GIGYF2: variants seen among roughly 807,000 people sequenced by gnomAD.
GIGYF2 encodes the protein GRB10 interacting GYF protein 2.
A neutral mutation model predicts 208.1 loss-of-function variants in GIGYF2; 25 were observed. The observed-to-expected ratio is 0.12, with a 90% confidence interval of 0.09 to 0.17. The LOEUF (loss-of-function observed/expected upper bound fraction) is 0.17. GIGYF2 is among the 10% of genes least tolerant of loss of function. GIGYF2 has a pLI of 1.00. For synonymous variants in GIGYF2, 534 were observed against 543.8 expected (o/e 0.98, Z 0.25); for missense variants, 1,302 against 1,579.4 (o/e 0.82, Z 2.98).
chr2:232,706,945 C>A (rs1402488385), intron 2 of GIGYF2, among the ~76,000 whole-genome samples: 6 of 109,464 alleles, frequency 5.5e-5, no homozygotes, highest in Non-Finnish European at 5.6e-5. Flanking sequence ...GACCTTGTCT[C>A]AAAAAAAAAA....
chr2:232,811,017 C>T (rs561739876), intron 16 of GIGYF2: 1 of 479,926 alleles, frequency 2.1e-6, no homozygotes, highest in Non-Finnish European at 3.8e-6. Flanking sequence ...TTTTTGCTAT[C>T]CTCTTTCACT....
chr2:232,759,165 T>C (rs1698655644), intron 6 of GIGYF2, among the ~76,000 whole-genome samples: 1 of 152,222 alleles, frequency 6.6e-6, no homozygotes, highest in East Asian at 1.9e-4. Context: ...GAGTTAATTC[T>C]TGATAAATTA....
intron 3 of GIGYF2, among the ~76,000 whole-genome samples, chr2:232,744,513 A>G (rs1698076231): frequency 1.3e-5 from 2 of 151,824 alleles, no homozygotes; most frequent in African/African-American, 4.8e-5. Context: ...ATTGTTGGAA[A>G]GATTGTGTTT....
intron 22 of GIGYF2, 82 bp from the exon 23 acceptor site, chr2:232,839,767 T>C: frequency 7.4e-7 from 1 of 1,357,786 alleles, no homozygotes. Flanking sequence ...GCATTTGTTC[T>C]GGGTATACAT....
Position 232,791,356 on chromosome 2 carries a change from G to A in GIGYF2, c.1192G>A (p.Asp398Asn). Reference sequence around the variant, plus strand: ...GGAAGCATCACAGTTTGAGAGGAAAGATGAACCAAAAACTGAGCAAACGGA... The same window carrying A: ...GGAAGCATCACAGTTTGAGAGGAAAAATGAACCAAAAACTGAGCAAACGGA... Reference protein sequence around the residue: ...SQEASQFERKDEPKTEQTEKA... With the variant: ...SQEASQFERKNEPKTEQTEKA... The change falls in exon 12 of 29, where the codon GAT becomes AAT. Residue 398 changes from aspartate (D) to asparagine (N), a missense_variant. Around this residue, in one of 8 missense-constraint regions of GIGYF2, gnomAD observed 235 missense variants for 218.8 expected, o/e 1.07. Coordinates refer to ENST00000373563, the MANE Select transcript of GIGYF2 (RefSeq NM_001103146.3). 6.2e-7 allele frequency: 1 copy of A among 1,614,122 alleles called. No homozygotes were observed. The highest frequency in any genetic ancestry group is 8.5e-7 in the Non-Finnish European group (1 of 1,179,992).
At chr2:232,700,626 A>G (rs1695800153) in intron 1 of GIGYF2, 1 of 152,172 alleles carries the variant, frequency 6.6e-6, no homozygotes, top group African/African-American at 2.4e-5. Context: ...TCTACAGCCT[A>G]TGTTGGTGTT....
rs1696503950 is a variant in GIGYF2 at position 232,713,079 on chromosome 2, T to A, written c.-44+9590T>A. On this transcript the variant is annotated intron_variant, in intron 2 of 28. Transcript: ENST00000373563. ...ATTTTTAAAAAGTGTAGAAAAAACTTCTTTTTTTTTTTTTGAAGTGGAGTC... is the reference window on the plus strand; with the variant it reads ...ATTTTTAAAAAGTGTAGAAAAAACTACTTTTTTTTTTTTTGAAGTGGAGTC... Among the ~76,000 whole-genome samples the A allele has an allele frequency of 7.7e-5, 2 of 25,988 alleles. 1 individual carries two copies. Among genetic ancestry groups the A allele is most frequent in the Middle Eastern group, 0.026 (2 of 76 alleles). The allele number at this position is 25,988 out of a possible 152,430, so 17.0% of individuals were successfully genotyped here. A position where few individuals can be genotyped will look rare whatever the true frequency, so the allele number is the denominator to read the frequency against.
At chr2:232,761,193 C>T (rs1698729143) in intron 7 of GIGYF2, among the ~76,000 whole-genome samples, 1 of 152,022 alleles carries the variant, frequency 6.6e-6, no homozygotes, top group South Asian at 2.1e-4. Flanking sequence ...ATAGAAACAG[C>T]TTTTGGTAGG....
At chr2:232,773,856 G>A (rs1489352382) in intron 8 of GIGYF2, among the ~76,000 whole-genome samples, 4 of 145,840 alleles carry the variant, frequency 2.7e-5, no homozygotes, top group African/African-American at 1.0e-4. Context: ...AGGATTGCTT[G>A]AGTCCAGGAG....
intron 3 of GIGYF2, among the ~76,000 whole-genome samples, chr2:232,739,777 A>T (rs13035829): frequency 0.34 from 51,523 of 151,778 alleles, 9,046 homozygotes; most frequent in South Asian, 0.62. Flanking sequence ...TCTATCGTAT[A>T]TGCAAATGTA....
At chr2:232,787,791 G>T (rs1699960705) in intron 9 of GIGYF2, among the ~76,000 whole-genome samples, 1 of 152,114 alleles carries the variant, frequency 6.6e-6, no homozygotes, top group Non-Finnish European at 1.5e-5. Context: ...TGAAGAATAA[G>T]CTTTAAACCT....
At chr2:232,812,819 T>G (rs946313980) in intron 18 of GIGYF2, among the ~76,000 whole-genome samples, 8 of 152,108 alleles carry the variant, frequency 5.3e-5, no homozygotes, top group Admixed American at 1.3e-4. Context: ...AACATAGTAA[T>G]GGTGACCTAT....
chr2:232,779,177 G>A (rs1444393149), intron 8 of GIGYF2, among the ~76,000 whole-genome samples: 1 of 152,118 alleles, frequency 6.6e-6, no homozygotes, highest in Non-Finnish European at 1.5e-5. Context: ...TTCTGTTGTA[G>A]CTGTTTCACA....
intron 1 of GIGYF2, among the ~76,000 whole-genome samples, chr2:232,701,600 T>A (rs1695847339): frequency 6.6e-6 from 1 of 151,726 alleles, no homozygotes; most frequent in Non-Finnish European, 1.5e-5. Flanking sequence ...TGGCCAATAT[T>A]TTTTGTAGAG....
chr2:232,787,906 C>T (rs1230338317), intron 9 of GIGYF2, among the ~76,000 whole-genome samples: 1 of 152,180 alleles, frequency 6.6e-6, no homozygotes, highest in Non-Finnish European at 1.5e-5. Context: ...CTGTTTGTCT[C>T]TTAAAAATGC....
At chr2:232,739,298 C>A (rs1482362469) in intron 3 of GIGYF2, among the ~76,000 whole-genome samples, 1 of 147,872 alleles carries the variant, frequency 6.8e-6, no homozygotes, top group Non-Finnish European at 1.5e-5. Flanking sequence ...GCGGAAGTTG[C>A]AGTGAGCCGA....
At chr2:232,803,507 A>C (rs1398067703) in intron 14 of GIGYF2, among the ~76,000 whole-genome samples, 1 of 152,042 alleles carries the variant, frequency 6.6e-6, no homozygotes, top group Non-Finnish European at 1.5e-5. Context: ...ATTAATTTTC[A>C]TATAAGCTAG....
intron 21 of GIGYF2, among the ~76,000 whole-genome samples, chr2:232,827,363 G>T (rs1417465185): frequency 6.6e-6 from 1 of 152,198 alleles, no homozygotes; most frequent in Non-Finnish European, 1.5e-5. Flanking sequence ...TATCTTTGAG[G>T]CATGCTTGTG....
intron 4 of GIGYF2, 29 bp from the exon 5 acceptor site, chr2:232,748,958 A>G (rs754249426): frequency 2.1e-6 from 2 of 954,238 alleles, no homozygotes; most frequent in African/African-American, 3.2e-5. Context: ...AATAGCATTA[A>G]TCTCATAATC....
Sources: gnomAD v4.1 joint callset for allele counts (sites outside exome capture counted in the v4.1 genomes callset) on GRCh38, gnomAD v4.1.1 for gene constraint, gnomAD v4.1.1 regional missense constraint, MANE v1.5 for transcripts, NCBI Gene and HGNC (gene_info 2026-07-23, HGNC 2026-07-21) for gene names.